SLC39A8: variants seen among roughly 807,000 people sequenced by gnomAD.
SLC39A8 encodes solute carrier family 39 member 8.
A neutral mutation model predicts 40.4 loss-of-function variants in SLC39A8; 15 were observed. The observed-to-expected ratio is 0.37, with a 90% CI of 0.25 to 0.57. The LOEUF (loss-of-function observed/expected upper bound fraction) is 0.57. Ranked by LOEUF, SLC39A8 falls within the 20% of genes least tolerant of loss-of-function variation. The pLI is 0.75. For synonymous variants in SLC39A8, 223 were observed against 221.6 expected (o/e 1.01, Z -0.06); for missense variants, 472 against 558.8 (o/e 0.84, Z 1.57).
rs1731935364 is a variant in SLC39A8 at position 102,263,022 on chromosome 4, C to A, written c.*22G>T. 1 of 1,587,250 alleles carries A rather than the reference C, an allele frequency of 6.3e-7. No individual in the cohort carries two copies. The highest frequency in any genetic ancestry group is 8.6e-7 in the Non-Finnish European group (1 of 1,164,200). ...TTTATCTATTAAATGCCTTTATTAA[C>A]AACACCATCTTCCATTTTCTATTAC... On this transcript the variant is annotated 3_prime_UTR_variant, in exon 9 of 9. Coordinates refer to ENST00000356736, the MANE Select transcript of SLC39A8 (RefSeq NM_001135146.2).
At chr4:102,252,441 A>G (rs1731615104) in exon 12 of SLC39A8, 1 of 152,372 alleles carries the variant, frequency 6.6e-6, no homozygotes, top group Admixed American at 6.5e-5. Flanking sequence ...ATCTGGGGAC[A>G]GGGAGTGGCC....
intron 2 of SLC39A8, among the ~76,000 whole-genome samples, chr4:102,322,102 C>T (rs1177084473): frequency 6.6e-6 from 1 of 152,160 alleles, no homozygotes; most frequent in African/African-American, 2.4e-5. Flanking sequence ...ATGGGAACTG[C>T]CTTCCATGTG....
chr4:102,260,631 C>T (rs1418764158), downstream of SLC39A8, among the ~76,000 whole-genome samples: 3 of 152,204 alleles, frequency 2.0e-5, no homozygotes, highest in African/African-American at 7.2e-5. Context: ...CATGGGACTG[C>T]CATGCCAACC....
At chr4:102,263,963 C>G (rs995444355) in intron 8 of SLC39A8, among the ~76,000 whole-genome samples, 3 of 152,204 alleles carry the variant, frequency 2.0e-5, no homozygotes, top group Non-Finnish European at 2.9e-5. Context: ...ACTACCTCTG[C>G]AGTTACTTCC....
At chr4:102,306,295 A>C (rs917841432) in intron 4 of SLC39A8, among the ~76,000 whole-genome samples, 2 of 151,908 alleles carry the variant, frequency 1.3e-5, no homozygotes, top group African/African-American at 4.8e-5. Context: ...ATATCATATT[A>C]AATGTATTAT....
At chr4:102,325,440 C>T (rs1735155092) in intron 2 of SLC39A8, among the ~76,000 whole-genome samples, 1 of 152,178 alleles carries the variant, frequency 6.6e-6, no homozygotes, top group African/African-American at 2.4e-5. Context: ...CATACACATA[C>T]ATACACACAC....
chr4:102,292,280 T>C (rs1733480091), intron 6 of SLC39A8, among the ~76,000 whole-genome samples: 3 of 152,114 alleles, frequency 2.0e-5, no homozygotes, highest in Admixed American at 6.6e-5. Flanking sequence ...AATGTGTACA[T>C]ATATTAAAAC....
At chr4:102,317,185 T>G (rs542448285) in intron 2 of SLC39A8, among the ~76,000 whole-genome samples, 40 of 152,298 alleles carry the variant, frequency 2.6e-4, no homozygotes, top group African/African-American at 8.9e-4. Flanking sequence ...TTCCCTTTAC[T>G]ACAGAAACAA....
chr4:102,251,170 A>G (rs1731577774), exon 12 of SLC39A8: 1 of 152,256 alleles, frequency 6.6e-6, no homozygotes, highest in Admixed American at 6.5e-5. Context: ...TAAGGTTATT[A>G]GCATATCCAT....
downstream of SLC39A8, among the ~76,000 whole-genome samples, chr4:102,261,355 A>T (rs149785123): frequency 4.6e-3 from 700 of 152,312 alleles, 7 homozygotes; most frequent in African/African-American, 0.016. Flanking sequence ...GGCTCTTCTC[A>T]ACTAGTTCAC....
chr4:102,268,313 C>T (rs889218651), intron 6 of SLC39A8, among the ~76,000 whole-genome samples: 1 of 152,224 alleles, frequency 6.6e-6, no homozygotes, highest in African/African-American at 2.4e-5. Context: ...TTTTCCTTTA[C>T]TTTCCCTTTA....
chr4:102,328,339 G>GTT (rs749480751), intron 2 of SLC39A8, among the ~76,000 whole-genome samples: 1 of 138,736 alleles, frequency 7.2e-6, no homozygotes, highest in Non-Finnish European at 1.6e-5. Context: ...TTATCTCTCT[G>GTT]TTTTTTTTTT....
chr4:102,257,718 C>T (rs1018088152), downstream of SLC39A8, among the ~76,000 whole-genome samples: 1 of 152,178 alleles, frequency 6.6e-6, no homozygotes, highest in Non-Finnish European at 1.5e-5. Flanking sequence ...TGCACGAAGT[C>T]CCATCACCAC....
rs573400392 is a variant in SLC39A8 at position 102,328,941 on chromosome 4, T to C, written c.220-13111A>G. On this transcript the variant is annotated intron_variant, in intron 2 of 8. Transcript: ENST00000356736. The stretch of plus-strand genomic sequence containing the variant: ...TACTCGGGAGGCTGAGGCAGGAGAA[T>C]GGTGTGAACCCGGGAGGCGGAGCTT... Among the ~76,000 whole-genome samples the C allele has an allele frequency of 9.1e-4, 137 of 149,784 alleles. 1 individual carries two copies. Among genetic ancestry groups the C allele is most frequent in the African/African-American group, 3.2e-3 (131 of 40,650 alleles).
intron 6 of SLC39A8, among the ~76,000 whole-genome samples, chr4:102,270,824 T>TA (rs1200921672): frequency 1.3e-5 from 2 of 152,050 alleles, no homozygotes; most frequent in South Asian, 4.2e-4. Flanking sequence ...GCACCAAAGT[T>TA]AAAAAAATAG....
intron 6 of SLC39A8, among the ~76,000 whole-genome samples, chr4:102,270,875 A>C (rs1001402877): frequency 6.6e-6 from 1 of 152,224 alleles, no homozygotes; most frequent in Admixed American, 6.5e-5. Flanking sequence ...TGGAGGGCAA[A>C]AAACAAAATT....
At chr4:102,338,814 A>T (rs1735790293) in intron 2 of SLC39A8, among the ~76,000 whole-genome samples, 1 of 152,222 alleles carries the variant, frequency 6.6e-6, no homozygotes, top group Non-Finnish European at 1.5e-5. Flanking sequence ...AATGAAGATA[A>T]TAATGGGACC....
intron 6 of SLC39A8, among the ~76,000 whole-genome samples, chr4:102,272,447 G>A (rs1004145495): frequency 6.7e-6 from 1 of 149,832 alleles, no homozygotes; most frequent in African/African-American, 2.5e-5. Context: ...AAAAAAAAAA[G>A]AAAGAAAGAA....
intron 6 of SLC39A8, among the ~76,000 whole-genome samples, chr4:102,294,150 A>G (rs1733585485): frequency 6.6e-6 from 1 of 152,042 alleles, no homozygotes; most frequent in African/African-American, 2.4e-5. Context: ...AGATTTGGAG[A>G]ATACATTTAT....
Sources: allele counts gnomAD v4.1 joint callset (sites outside exome capture counted in the v4.1 genomes callset), GRCh38; gene constraint gnomAD v4.1.1; transcripts MANE v1.5; gene names NCBI Gene and HGNC (gene_info 2026-07-23, HGNC 2026-07-21).